The following ACADL variants were observed in gnomAD, a reference collection of about 807,000 sequenced individuals.
ACADL encodes long-chain specific acyl-CoA dehydrogenase, mitochondrial.
A neutral mutation model predicts 56.9 loss-of-function variants in ACADL; 60 were observed. The observed-to-expected ratio is 1.05, with a 90% CI of 0.86 to 1.31. The LOEUF is 1.31. ACADL is among the 50% of genes most tolerant of loss of function. The pLI, the probability that ACADL is intolerant of heterozygous loss-of-function variation, is 0.00. For missense variants in ACADL, 484 were observed against 525.5 expected (o/e 0.92, Z 0.77); for synonymous variants, 158 against 179.7 (o/e 0.88, Z 0.97).
intron 2 of ACADL, chr2:210,218,653 T>C (rs1316038925): frequency 6.4e-6 from 1 of 155,096 alleles, no homozygotes; most frequent in Admixed American, 6.4e-5. Flanking sequence ...TTGAAAATTA[T>C]ACCCACTGAT....
intron 6 of ACADL, 105 bp downstream of exon 6, chr2:210,205,527 G>T: frequency 2.7e-6 from 3 of 1,125,998 alleles, no homozygotes; most frequent in Non-Finnish European, 3.9e-6. Context: ...TAGGAATTCA[G>T]CATAGGAAAT....
chr2:210,188,042 T>C lies in ACADL; in HGVS notation c.*919A>G, dbSNP rs1391813892. 4 of 152,254 alleles carry C rather than the reference T, an allele frequency of 2.6e-5. No individual in the cohort carries two copies. The highest frequency in any genetic ancestry group is 5.9e-5 in the Non-Finnish European group (4 of 68,048). 9.4% of individuals were successfully genotyped at this position (152,254 alleles called of 1,614,324 possible). On this transcript the variant is annotated 3_prime_UTR_variant, in exon 11 of 11. Coordinates refer to ENST00000233710, the MANE Select transcript of ACADL (RefSeq NM_001608.4). ...ATTTACATTGCACTTATGCTTGAAATTATCTCTTTTACATATTTACTTCTT... is the reference window on the plus strand; with the variant it reads ...ATTTACATTGCACTTATGCTTGAAACTATCTCTTTTACATATTTACTTCTT...
intron 6 of ACADL, 101 bp downstream of exon 6, chr2:210,205,531 A>T: frequency 8.5e-7 from 1 of 1,175,890 alleles, no homozygotes; most frequent in Non-Finnish European, 1.2e-6. Flanking sequence ...AATTCAGCAT[A>T]GGAAATAAAA....
intron 4 of ACADL, 87 bp downstream of exon 4, chr2:210,216,260 A>G: frequency 6.9e-7 from 1 of 1,441,004 alleles, no homozygotes; most frequent in Admixed American, 1.7e-5. Flanking sequence ...CTCCTAGCAT[A>G]TAGCTCAGTC....
chr2:210,202,756 C>T (rs1267801135), intron 8 of ACADL, among the ~76,000 whole-genome samples: 1 of 152,082 alleles, frequency 6.6e-6, no homozygotes, highest in Non-Finnish European at 1.5e-5. Flanking sequence ...CCTTCCCCTC[C>T]CCTCTTCGCT....
intron 9 of ACADL, 130 bp downstream of exon 9, chr2:210,195,081 G>C: frequency 1.7e-6 from 2 of 1,183,484 alleles, no homozygotes; most frequent in East Asian, 4.8e-5. Flanking sequence ...TTTTTTTAAA[G>C]TGGAGTCTCA....
intron 1 of ACADL, among the ~76,000 whole-genome samples, chr2:210,222,508 C>CAAAAAAAAAAAAAAAAAGAAAAAA (rs797000679): frequency 1.2e-5 from 1 of 81,404 alleles, no homozygotes; most frequent in Admixed American, 1.4e-4. Context: ...AACAAACAAA[C>CAAAAAAAAAAAAAAAAAGAAAAAA]AAAAAAAAAA....
chr2:210,191,514 G>T (rs1688632793), intron 10 of ACADL, among the ~76,000 whole-genome samples: 1 of 152,082 alleles, frequency 6.6e-6, no homozygotes, highest in Admixed American at 6.5e-5. Flanking sequence ...TTTCTTAAAT[G>T]TGAACTAAAC....
intron 10 of ACADL, among the ~76,000 whole-genome samples, chr2:210,191,280 C>G (rs1688629214): frequency 6.6e-6 from 1 of 152,074 alleles, no homozygotes; most frequent in African/African-American, 2.4e-5. Context: ...AAAATTGATA[C>G]AATCTTTGAA....
At chr2:210,222,603 G>C (rs1409645840) in intron 1 of ACADL, among the ~76,000 whole-genome samples, 1 of 151,564 alleles carries the variant, frequency 6.6e-6, no homozygotes, top group African/African-American at 2.4e-5. Flanking sequence ...GAAGGTGATA[G>C]AGTTAGCCAG....
At chr2:210,202,943 C>T (rs10207313) in intron 8 of ACADL, among the ~76,000 whole-genome samples, 374 of 152,210 alleles carry the variant, frequency 2.5e-3, no homozygotes, top group African/African-American at 8.7e-3. Context: ...ACTCTTTGCC[C>T]TTCGTCTTAT....
intron 1 of ACADL, among the ~76,000 whole-genome samples, chr2:210,221,824 G>T (rs1413376574): frequency 6.6e-6 from 1 of 151,650 alleles, no homozygotes; most frequent in Non-Finnish European, 1.5e-5. Context: ...CGCCTTCCCG[G>T]TTCAAGCCAT....
intron 4 of ACADL, among the ~76,000 whole-genome samples, chr2:210,214,666 G>T (rs1263353389): frequency 1.3e-5 from 2 of 152,108 alleles, no homozygotes; most frequent in East Asian, 1.9e-4. Context: ...GATAAATCAA[G>T]ATTTCATTTA....
At chr2:210,205,903 G>T in intron 5 of ACADL, 107 bp from the exon 6 acceptor site, 1 of 1,277,300 alleles carries the variant, frequency 7.8e-7, no homozygotes, top group Non-Finnish European at 1.1e-6. Flanking sequence ...GACAAGACAT[G>T]CTTGATACCT....
At chr2:210,190,169 A>G (rs1022981001) in intron 10 of ACADL, among the ~76,000 whole-genome samples, 6 of 152,188 alleles carry the variant, frequency 3.9e-5, no homozygotes, top group African/African-American at 1.4e-4. Flanking sequence ...GTTCCTTACA[A>G]AGAAATGGAC....
At position 210,218,285 on chromosome 2, in the gene ACADL, C is replaced by CTTTT. The variant is rs35116912; in HGVS notation, c.234-187_234-184dup. Among the ~76,000 whole-genome samples, 402 of 95,356 alleles carry CTTTT rather than the reference C, an allele frequency of 4.2e-3. 13 individuals are homozygous for CTTTT. Among genetic ancestry groups the CTTTT allele is most frequent in the East Asian group, 7.0e-3 (22 of 3,122 alleles). 62.6% of individuals were successfully genotyped at this position (95,356 alleles called of 152,430 possible). A position where few individuals can be genotyped will look rare whatever the true frequency, so the allele number is the denominator to read the frequency against. On this transcript the variant is annotated intron_variant, in intron 2 of 10. Transcript: ENST00000233710. Reference sequence around the variant, plus strand: ...TCACTTCTGTTCCTCCTTTTTTCTGCTTTTTTTTTTTTTTTTTTTTGAGAC... The same window carrying CTTTT: ...TCACTTCTGTTCCTCCTTTTTTCTGCTTTTTTTTTTTTTTTTTTTTTTTTGAGAC...
In ACADL at chr2:210,220,656, T is replaced by C. The variant is rs1242385068; in HGVS notation, c.224A>G (p.His75Arg). 6.2e-7 allele frequency: 1 copy of C among 1,613,232 alleles called. No homozygotes were observed. Among genetic ancestry groups the C allele is most frequent in the Non-Finnish European group, 8.5e-7 (1 of 1,179,596 alleles). Residue 75 changes from histidine to arginine, a missense_variant, in exon 2 of 11, where the codon CAT (histidine) becomes CGT (arginine). Transcript: ENST00000233710. The stretch of plus-strand genomic sequence containing the variant: ...AAAATGTGCCACTTACTCTGAGTGA[T>C]GAGGAATCACTTCTTCTTGGAAAAA... ...RKFFQEEVIP[H>R]HSEWEKAGEV...
At chr2:210,215,173 C>A (rs1689065518) in intron 4 of ACADL, among the ~76,000 whole-genome samples, 1 of 152,132 alleles carries the variant, frequency 6.6e-6, no homozygotes, top group Admixed American at 6.6e-5. Context: ...AAATAATTTC[C>A]CTTACCAGTT....
chr2:210,216,535 A>C (rs1689089932), intron 3 of ACADL, 24 bp from the exon 4 acceptor site: 2 of 1,601,564 alleles, frequency 1.2e-6, no homozygotes, highest in Non-Finnish European at 1.7e-6. Context: ...AAGAAGAAAA[A>C]TTAGAGCATA....
Sources: allele counts gnomAD v4.1 joint callset (sites outside exome capture counted in the v4.1 genomes callset), GRCh38; gene constraint gnomAD v4.1.1; transcripts MANE v1.5; gene names NCBI Gene and HGNC (gene_info 2026-07-23, HGNC 2026-07-21).